IL17RD: variants seen among roughly 807,000 people sequenced by gnomAD.
The protein encoded by IL17RD is interleukin 17 receptor D, also known as interleukin-17 receptor D.
Under a neutral mutation model 80.5 loss-of-function variants are expected in IL17RD, and 52 were observed. The ratio of observed to expected loss-of-function variants is 0.65; its 90% CI spans 0.52 to 0.81. IL17RD has a LOEUF of 0.81. IL17RD is among the 40% of genes least tolerant of loss of function. The pLI is 0.00. For missense variants in IL17RD, 1,024 were observed against 955.1 expected (o/e 1.07, Z -0.95); for synonymous variants, 416 against 391.8 (o/e 1.06, Z -0.73).
chr3:57,155,176 C>T (rs956109195), intron 1 of IL17RD, among the ~76,000 whole-genome samples: 1 of 152,204 alleles, frequency 6.6e-6, no homozygotes, highest in Non-Finnish European at 1.5e-5. Flanking sequence ...CAAACAAAAA[C>T]GAGACCTGCA....
chr3:57,163,803 A>AGGGGGGGGGGGGGGGGGGGGG (rs1401715931), intron 1 of IL17RD, among the ~76,000 whole-genome samples: 8 of 5,552 alleles, frequency 1.4e-3, no homozygotes, highest in African/African-American at 3.8e-3. Flanking sequence ...CGGGGGGGGA[A>AGGGGGGGGGGGGGGGGGGGGG]GGGGGTGGCG....
chr3:57,134,442 T>C (rs534524288), intron 1 of IL17RD: 3 of 788,572 alleles, frequency 3.8e-6, no homozygotes, highest in East Asian at 4.9e-5. Flanking sequence ...GCGGATTCTG[T>C]GCTGGCTGCT....
intron 1 of IL17RD, among the ~76,000 whole-genome samples, chr3:57,127,355 T>TAAATATATATAATATATATAA (rs369889931): frequency 1.7e-4 from 16 of 94,532 alleles, no homozygotes; most frequent in Admixed American, 4.6e-4. Flanking sequence ...TATAAATATA[T>TAAATATATATAATATATATAA]ATAAATATAA....
At chr3:57,117,917 A>C (rs781757803) in intron 2 of IL17RD, among the ~76,000 whole-genome samples, 10 of 152,242 alleles carry the variant, frequency 6.6e-5, no homozygotes, top group Non-Finnish European at 1.5e-4. Flanking sequence ...ATGTTGAAGA[A>C]TTAAAAAGAA....
chr3:57,109,185 A>G (rs1707035182), intron 5 of IL17RD, among the ~76,000 whole-genome samples: 1 of 152,030 alleles, frequency 6.6e-6, no homozygotes, highest in South Asian at 2.1e-4. Context: ...ATCTTGCTCT[A>G]TCACTCAGGC....
chr3:57,097,022 G>A (rs80336374), intron 12 of IL17RD, among the ~76,000 whole-genome samples: 1 of 144,998 alleles, frequency 6.9e-6, no homozygotes, highest in Non-Finnish European at 1.5e-5. Flanking sequence ...AAAAAAAAAA[G>A]TCAAGGGTTT....
intron 1 of IL17RD, among the ~76,000 whole-genome samples, chr3:57,148,739 C>T (rs1707988881): frequency 6.6e-6 from 1 of 152,118 alleles, no homozygotes; most frequent in South Asian, 2.1e-4. Flanking sequence ...TTTTTATATG[C>T]TCTCCTTCCC....
At chr3:57,122,607 A>T (rs1223532871) in intron 1 of IL17RD, among the ~76,000 whole-genome samples, 3 of 152,204 alleles carry the variant, frequency 2.0e-5, no homozygotes, top group Admixed American at 2.0e-4. Context: ...GAGGTGGAAC[A>T]GTCTGATCCC....
rs200221362 is a variant in IL17RD, at chr3:57,097,592, T to A, written c.2107+4A>T. The stretch of plus-strand genomic sequence containing the variant: ...GTTAGGACCCGGCCCCAAAGGCACC[T>A]TACCCAGGCCTGAAGAGGAGGACAC... On this transcript the variant is annotated splice_donor_region_variant and intron_variant, in intron 12 of 12. Coordinates refer to ENST00000296318, the MANE Select transcript of IL17RD (RefSeq NM_017563.5). 6.4e-7 allele frequency: 1 copy of A among 1,566,330 alleles called. No individual in the cohort carries two copies. Among genetic ancestry groups the A allele is most frequent in the Non-Finnish European group, 8.7e-7 (1 of 1,155,670 alleles).
Position 57,134,735 on chromosome 3 carries a change from TTGTC to T in IL17RD, c.127-14426_127-14423del, listed in dbSNP as rs1395091902. ...AGACCGAGAAGTGAAAGCTCCCCCT[TTGTC>T]TGTACATACTGGCCTCAGCGATTAC... On this transcript the variant is annotated intron_variant, in intron 1 of 12. Transcript: ENST00000296318. 1.3e-4 allele frequency: 83 copies of T among 628,020 alleles called. No individual in the cohort carries two copies. In the African/African-American group the frequency reaches 1.5e-3, roughly 11 times the overall value. The allele number at this position is 628,020 out of a possible 1,614,324, so 38.9% of individuals were successfully genotyped here.
At chr3:57,115,830 C>T (rs1301881299) in intron 2 of IL17RD, among the ~76,000 whole-genome samples, 1 of 152,116 alleles carries the variant, frequency 6.6e-6, no homozygotes, top group African/African-American at 2.4e-5. Flanking sequence ...GTCCATTACC[C>T]CTCTGAAGCC....
At chr3:57,143,667 G>A (rs1220438335) in intron 1 of IL17RD, among the ~76,000 whole-genome samples, 1 of 152,216 alleles carries the variant, frequency 6.6e-6, no homozygotes, top group Admixed American at 6.5e-5. Flanking sequence ...TGTGTGAGAG[G>A]AATATCTGTA....
At chr3:57,145,218 T>A (rs1707902614) in intron 1 of IL17RD, among the ~76,000 whole-genome samples, 3 of 152,274 alleles carry the variant, frequency 2.0e-5, no homozygotes, top group Admixed American at 2.0e-4. Context: ...GGCAGTCCCC[T>A]TGTTTATGGA....
rs1246159104 is a variant in IL17RD at position 57,127,412 on chromosome 3, A to ATATTTTTT, written c.127-7100_127-7099insAAAAAATA. 1.6e-3 allele frequency among the ~76,000 whole-genome samples: 148 copies of ATATTTTTT among 91,212 alleles called. 8 individuals are homozygous for ATATTTTTT. Among genetic ancestry groups the ATATTTTTT allele is most frequent in the African/African-American group, 6.9e-3 (142 of 20,490 alleles). The allele number at this position is 91,212 out of a possible 152,430, so 59.8% of individuals were successfully genotyped here. A position where few individuals can be genotyped will look rare whatever the true frequency, so the allele number is the denominator to read the frequency against. ...AATAAATAAATATATATATATATAT[A>ATATTTTTT]TTTTTTTTTTGAGATAAGAGTCTTG... On this transcript the variant is annotated intron_variant, in intron 1 of 12. Transcript: ENST00000296318.
intron 1 of IL17RD, among the ~76,000 whole-genome samples, chr3:57,135,839 C>T (rs1361558132): frequency 2.0e-5 from 3 of 152,110 alleles, no homozygotes; most frequent in Non-Finnish European, 4.4e-5. Flanking sequence ...TAGCAGGCCC[C>T]GTCACCTGCT....
At chr3:57,105,563 A>C (rs1706942760) in intron 7 of IL17RD, among the ~76,000 whole-genome samples, 1 of 138,790 alleles carries the variant, frequency 7.2e-6, no homozygotes, top group African/African-American at 2.7e-5. Flanking sequence ...ATATATATAT[A>C]TATATATTTG....
At chr3:57,118,270 G>A (rs542285248) in intron 2 of IL17RD, among the ~76,000 whole-genome samples, 1 of 152,296 alleles carries the variant, frequency 6.6e-6, no homozygotes, top group South Asian at 2.1e-4. Flanking sequence ...CCACCAATGT[G>A]AGCTCCCTGA....
chr3:57,139,959 T>G (rs1579304675), intron 1 of IL17RD, among the ~76,000 whole-genome samples: 1 of 152,182 alleles, frequency 6.6e-6, no homozygotes, highest in Non-Finnish European at 1.5e-5. Flanking sequence ...AGAAAACATA[T>G]TATTAGGACC....
intron 6 of IL17RD, 27 bp from the exon 7 acceptor site, chr3:57,106,035 G>A (rs1230546939): frequency 3.1e-6 from 5 of 1,613,366 alleles, no homozygotes; most frequent in East Asian, 2.2e-5. Flanking sequence ...CCCAGAGTGA[G>A]CAACCAGAGG....
Sources: gnomAD v4.1 joint callset for allele counts (sites outside exome capture counted in the v4.1 genomes callset) on GRCh38, gnomAD v4.1.1 for gene constraint, MANE v1.5 for transcripts, NCBI Gene and HGNC (gene_info 2026-07-23, HGNC 2026-07-21) for gene names.